The following PACRG variants were observed in gnomAD, a reference collection of about 807,000 sequenced individuals.
The protein encoded by PACRG is parkin coregulated gene protein.
PACRG carries 29 observed loss-of-function variants against 29.7 expected under a neutral mutation model. The observed-to-expected ratio is 0.98, with a 90% confidence interval of 0.73 to 1.33. PACRG has a LOEUF of 1.33. PACRG is among the 40% of genes most tolerant of loss of function. The pLI is 0.00. For missense variants in PACRG, 279 were observed against 316.2 expected, an observed-to-expected ratio of 0.88 and a Z score of 0.89; for synonymous variants, 116 against 118.7, an observed-to-expected ratio of 0.98 and a Z score of 0.15.
chr6:163,138,660 C>T (rs2128333246), intron 4 of PACRG, among the ~76,000 whole-genome samples: 1 of 152,316 alleles, frequency 6.6e-6, no homozygotes, highest in South Asian at 2.1e-4. Context: ...TGTGTGCTCG[C>T]CCACTGCTCA....
intron 4 of PACRG, among the ~76,000 whole-genome samples, chr6:163,116,615 G>A (rs1816007440): frequency 6.6e-6 from 1 of 151,812 alleles, no homozygotes; most frequent in African/African-American, 2.4e-5. Flanking sequence ...CTTAGCAAAG[G>A]TCTTTTGAAA....
chr6:162,878,781 ACC>A (rs1793587055), intron 2 of PACRG, among the ~76,000 whole-genome samples: 1 of 152,212 alleles, frequency 6.6e-6, no homozygotes. Context: ...GCGGTAGTTT[ACC>A]GTGATTTGTA....
intron 2 of PACRG, among the ~76,000 whole-genome samples, chr6:162,827,735 C>A (rs1788407949): frequency 6.6e-6 from 1 of 152,100 alleles, no homozygotes; most frequent in South Asian, 2.1e-4. Flanking sequence ...CTTTTTGTCT[C>A]TGAACCTGTA....
chr6:162,826,086 T>C (rs1401997018), intron 2 of PACRG, among the ~76,000 whole-genome samples: 3 of 152,188 alleles, frequency 2.0e-5, no homozygotes, highest in East Asian at 1.9e-4. Context: ...AGATGTAATC[T>C]TTCCTCAATG....
intron 2 of PACRG, chr6:163,046,780 A>G (rs903864339): frequency 1.3e-5 from 2 of 152,196 alleles, no homozygotes; most frequent in African/African-American, 4.8e-5. Context: ...CCTAACATTT[A>G]GCACAATGCT....
intron 4 of PACRG, among the ~76,000 whole-genome samples, chr6:163,131,582 TAGTCACCAGGTTTGTGGTATGTTTTA>T (rs1277487821): frequency 2.0e-5 from 3 of 152,138 alleles, no homozygotes; most frequent in Non-Finnish European, 4.4e-5. Context: ...CACTTGTTTT[TAGTCACCAGGTTTGTGGTATGTTTTA>T]AGTCACCAGG....
Position 162,728,204 on chromosome 6 carries a change from C to G in PACRG, c.-32C>G. ...AAAGCCCACTGATTCTTTTACTACA[C>G]TTTTTATGAGAACAAGACATTTTCT... is the stretch of plus-strand genomic sequence containing the variant. On this transcript the variant is annotated 5_prime_UTR_variant, in exon 1 of 5. Transcript: ENST00000366888. The G allele has an allele frequency of 2.5e-6, 4 of 1,606,772 alleles. No homozygotes were observed. The highest frequency in any genetic ancestry group is 1.1e-5 in the South Asian group (1 of 90,584).
At chr6:162,785,635 T>A (rs539596115) in intron 1 of PACRG, among the ~76,000 whole-genome samples, 8 of 152,158 alleles carry the variant, frequency 5.3e-5, no homozygotes, top group Non-Finnish European at 1.2e-4. Flanking sequence ...CCTTTGATCA[T>A]CAGGCATTAG....
chr6:163,195,762 C>A (rs565156268), intron 4 of PACRG, among the ~76,000 whole-genome samples: 3 of 152,172 alleles, frequency 2.0e-5, no homozygotes, highest in African/African-American at 7.2e-5. Context: ...CACACAGTCA[C>A]GCTGCTTTCA....
chr6:162,738,786 T>C (rs191920569), intron 1 of PACRG, among the ~76,000 whole-genome samples: 143 of 152,324 alleles, frequency 9.4e-4, no homozygotes, highest in Admixed American at 2.7e-3. Context: ...ATTTTCCCCA[T>C]AGGTTTCCCC....
At chr6:162,987,820 C>A (rs1803037952) in intron 2 of PACRG, among the ~76,000 whole-genome samples, 2 of 152,192 alleles carry the variant, frequency 1.3e-5, no homozygotes, top group African/African-American at 4.8e-5. Context: ...GTTTATTGTG[C>A]TGACTTTCTC....
chr6:162,947,615 T>TATATATATATAATC lies in PACRG; in HGVS notation c.292-114524_292-114523insATCATATATATATA, dbSNP rs1562767350. The stretch of plus-strand genomic sequence containing the variant: ...ATAATCATATATATATATAATCATA[T>TATATATATATAATC]ATATATATATATATATATATATATA... On this transcript the variant is annotated intron_variant, in intron 2 of 4. Transcript: ENST00000366888. Among the ~76,000 whole-genome samples, 86 of 22,504 alleles carry TATATATATATAATC rather than the reference T, an allele frequency of 3.8e-3. 2 individuals are homozygous for TATATATATATAATC. The highest frequency in any genetic ancestry group is 0.012 in the African/African-American group (82 of 6,976). The allele number at this position is 22,504 out of a possible 152,430, so 14.8% of individuals were successfully genotyped here.
At chr6:163,300,826 C>T (rs1401010731) in intron 4 of PACRG, among the ~76,000 whole-genome samples, 2 of 151,682 alleles carry the variant, frequency 1.3e-5, no homozygotes, top group African/African-American at 2.4e-5. Flanking sequence ...AGTAGGGCCA[C>T]GTCCACTGCT....
intron 2 of PACRG, chr6:162,957,409 G>T: frequency 1.8e-6 from 1 of 553,246 alleles, no homozygotes; most frequent in East Asian, 3.5e-5. Flanking sequence ...AGGTCTCACA[G>T]CACGGACCCC....
intron 2 of PACRG, among the ~76,000 whole-genome samples, chr6:162,890,298 T>G (rs1488893515): frequency 6.6e-6 from 1 of 152,220 alleles, no homozygotes; most frequent in African/African-American, 2.4e-5. Flanking sequence ...TTTTTTAATC[T>G]AAGGAAGAAA....
chr6:162,753,068 T>G (rs1200904695), intron 1 of PACRG, among the ~76,000 whole-genome samples: 1 of 152,206 alleles, frequency 6.6e-6, no homozygotes, highest in Non-Finnish European at 1.5e-5. Context: ...TCAAGCTAAT[T>G]ACATATTCAT....
At chr6:163,231,885 G>A (rs554457152) in intron 4 of PACRG, among the ~76,000 whole-genome samples, 36 of 152,348 alleles carry the variant, frequency 2.4e-4, no homozygotes, top group Admixed American at 5.9e-4. Context: ...TGCTGAGCAC[G>A]CAGTTACTGT....
At chr6:163,078,344 GA>G (rs199902279) in intron 3 of PACRG, among the ~76,000 whole-genome samples, 2,217 of 151,982 alleles carry the variant, frequency 0.015, 49 homozygotes, top group African/African-American at 0.052. Context: ...CTACTAAAAG[GA>G]TACAAAAATT....
At chr6:162,757,228 G>C (rs1415406674) in intron 1 of PACRG, among the ~76,000 whole-genome samples, 1 of 152,002 alleles carries the variant, frequency 6.6e-6, no homozygotes, top group Non-Finnish European at 1.5e-5. Flanking sequence ...TATTTTGTTT[G>C]TGAATTTTAT....
Sources: allele counts gnomAD v4.1 joint callset (sites outside exome capture counted in the v4.1 genomes callset), GRCh38; gene constraint gnomAD v4.1.1; transcripts MANE v1.5; gene names NCBI Gene and HGNC (gene_info 2026-07-23, HGNC 2026-07-21).